PTPRD: variants seen among roughly 807,000 people sequenced by gnomAD.
The protein encoded by PTPRD is protein tyrosine phosphatase receptor type D.
Under a neutral mutation model 214.5 loss-of-function variants are expected in PTPRD, and 34 were observed. The ratio of observed to expected loss-of-function variants is 0.16; its 90% CI spans 0.12 to 0.21. The LOEUF is 0.21. PTPRD is among the 10% of genes least tolerant of loss of function. PTPRD has a pLI of 1.00. For missense variants in PTPRD, 2,545 were observed against 2,398.7 expected (o/e 1.06, Z -1.27); for synonymous variants, 1,128 against 845.7 (o/e 1.33, Z -5.79).
intron 11 of PTPRD, among the ~76,000 whole-genome samples, chr9:8,980,556 A>T (rs969990509): frequency 1.3e-5 from 2 of 152,226 alleles, no homozygotes; most frequent in African/African-American, 2.4e-5. Flanking sequence ...AGGTTTCTAG[A>T]AATTTTATCA....
chr9:9,999,266 C>G (rs1437016192), intron 4 of PTPRD, among the ~76,000 whole-genome samples: 1 of 152,158 alleles, frequency 6.6e-6, no homozygotes, highest in Non-Finnish European at 1.5e-5. Context: ...GCCTAAAAAG[C>G]TAAGGGAGCA....
At chr9:9,924,026 C>G (rs972822505) in intron 5 of PTPRD, among the ~76,000 whole-genome samples, 10 of 151,896 alleles carry the variant, frequency 6.6e-5, no homozygotes, top group African/African-American at 2.4e-4. Flanking sequence ...GAAATCATCA[C>G]TAACAACTTT....
intron 9 of PTPRD, among the ~76,000 whole-genome samples, chr9:9,197,641 C>G (rs1260862268): frequency 6.6e-6 from 1 of 152,114 alleles, no homozygotes. Context: ...GAACTCCTGA[C>G]CTCAGGTGAT....
intron 7 of PTPRD, among the ~76,000 whole-genome samples, chr9:9,670,448 G>A (rs1564442718): frequency 6.6e-6 from 1 of 152,174 alleles, no homozygotes; most frequent in African/African-American, 2.4e-5. Context: ...AGAAATTCAA[G>A]CTGGCTTCAG....
At chr9:8,633,872 A>C (rs17652574) in intron 13 of PTPRD, among the ~76,000 whole-genome samples, 1 of 151,934 alleles carries the variant, frequency 6.6e-6, no homozygotes. Flanking sequence ...TAAGGTGAAG[A>C]ATTAATGCAT....
At chr9:9,518,810 T>A (rs996807469) in intron 8 of PTPRD, among the ~76,000 whole-genome samples, 4 of 152,026 alleles carry the variant, frequency 2.6e-5, no homozygotes, top group African/African-American at 9.7e-5. Flanking sequence ...AAGATTCACC[T>A]AGGAGGCAGG....
chr9:9,968,691 T>A (rs995391553), intron 4 of PTPRD, among the ~76,000 whole-genome samples: 1 of 151,968 alleles, frequency 6.6e-6, no homozygotes. Context: ...AAAAGAAAAA[T>A]TCCTCTTCCA....
chr9:9,312,924 CAT>C (rs1959849822), intron 9 of PTPRD, among the ~76,000 whole-genome samples: 1 of 152,170 alleles, frequency 6.6e-6, no homozygotes, highest in Non-Finnish European at 1.5e-5. Flanking sequence ...GCTTTGCAAA[CAT>C]GTATTCCTTG....
chr9:10,386,101 C>A (rs970018741), intron 2 of PTPRD, among the ~76,000 whole-genome samples: 6 of 151,784 alleles, frequency 4.0e-5, no homozygotes, highest in Non-Finnish European at 7.4e-5. Context: ...CTTTACTTAG[C>A]AAGTGGATTT....
intron 9 of PTPRD, among the ~76,000 whole-genome samples, chr9:9,188,892 C>G (rs2099933355): frequency 6.7e-6 from 1 of 150,210 alleles, no homozygotes; most frequent in African/African-American, 2.4e-5. Context: ...TAAACAAAAC[C>G]AACACATAAA....
At chr9:10,085,165 T>C (rs184156162) in intron 3 of PTPRD, among the ~76,000 whole-genome samples, 55 of 151,974 alleles carry the variant, frequency 3.6e-4, no homozygotes, top group African/African-American at 1.1e-3. Flanking sequence ...GTAAAAACCA[T>C]TTAGTACAGT....
rs147060283 is a variant in PTPRD, at chr9:10,565,891, C to T, written c.-600+46507G>A. Among the ~76,000 whole-genome samples the T allele has an allele frequency of 7.1e-3, 1,085 of 151,790 alleles. 9 individuals carry two copies. Among genetic ancestry groups the T allele is most frequent in the African/African-American group, 0.025 (1,051 of 41,460 alleles). On this transcript the variant is annotated intron_variant, in intron 2 of 45. Transcript: ENST00000381196. ...TGTATAATACATATAAATGTTCAAG[C>T]CCCTCCTTTTTCTCTAAGGTTAACC... is the stretch of plus-strand genomic sequence containing the variant.
chr9:10,338,296 T>C (rs1328170654), intron 3 of PTPRD, among the ~76,000 whole-genome samples: 4 of 151,558 alleles, frequency 2.6e-5, no homozygotes, highest in African/African-American at 4.8e-5. Context: ...ATGAGTAACA[T>C]TCTAGCAAGC....
At chr9:8,944,717 G>T (rs556017355) in intron 11 of PTPRD, among the ~76,000 whole-genome samples, 1 of 152,158 alleles carries the variant, frequency 6.6e-6, no homozygotes, top group South Asian at 2.1e-4. Context: ...TAAATTCATG[G>T]AGATAGGATG....
intron 8 of PTPRD, among the ~76,000 whole-genome samples, chr9:9,539,901 G>A (rs897872425): frequency 1.3e-5 from 2 of 151,792 alleles, no homozygotes; most frequent in Admixed American, 6.6e-5. Flanking sequence ...TTCCAAATGT[G>A]ATACCATTCT....
intron 44 of PTPRD, among the ~76,000 whole-genome samples, chr9:8,327,942 C>G (rs533261941): frequency 2.8e-5 from 4 of 144,742 alleles, no homozygotes; most frequent in African/African-American, 1.1e-4. Flanking sequence ...GAATACAGCA[C>G]ACTGATGGGT....
intron 12 of PTPRD, among the ~76,000 whole-genome samples, chr9:8,682,099 C>G (rs1202731243): frequency 1.3e-5 from 2 of 152,014 alleles, no homozygotes; most frequent in Admixed American, 1.3e-4. Flanking sequence ...AGCAAAATAG[C>G]GATATAGACA....
chr9:8,328,543 A>G (rs1035411440), intron 44 of PTPRD, among the ~76,000 whole-genome samples: 15 of 152,032 alleles, frequency 9.9e-5, no homozygotes, highest in Non-Finnish European at 5.9e-5. Flanking sequence ...TGTTCTCAGT[A>G]TTTCCTGAAT....
intron 14 of PTPRD, among the ~76,000 whole-genome samples, chr9:8,601,008 C>T (rs1049151101): frequency 1.3e-5 from 2 of 152,104 alleles, no homozygotes; most frequent in African/African-American, 2.4e-5. Flanking sequence ...CTGCCCTGGG[C>T]CAAAGAGCTG....
Sources: allele counts gnomAD v4.1 joint callset (sites outside exome capture counted in the v4.1 genomes callset), GRCh38; gene constraint gnomAD v4.1.1; transcripts MANE v1.5; gene names NCBI Gene and HGNC (gene_info 2026-07-23, HGNC 2026-07-21).